Variants in XKR4 observed in about 807,000 individuals in gnomAD.
The protein encoded by XKR4 is XK-related protein 4.
XKR4 carries 12 observed loss-of-function variants against 53.9 expected under a neutral mutation model. The ratio of observed to expected loss-of-function variants is 0.22; its 90% CI spans 0.14 to 0.36. The LOEUF (loss-of-function observed/expected upper bound fraction) is 0.36, where lower values mean the gene tolerates loss of function less well. XKR4 is among the 10% of genes least tolerant of loss of function. The pLI is 1.00. For synonymous variants in XKR4, 354 were observed against 362.4 expected (o/e 0.98, Z 0.26); for missense variants, 799 against 859.5 (o/e 0.93, Z 0.88).
At chr8:55,340,889 C>T (rs1471774882) in intron 1 of XKR4, among the ~76,000 whole-genome samples, 1 of 152,158 alleles carries the variant, frequency 6.6e-6, no homozygotes, top group Non-Finnish European at 1.5e-5. Context: ...GCATGGGTCA[C>T]ACATGTGTCA....
chr8:55,196,409 C>T (rs1013534315), intron 1 of XKR4, among the ~76,000 whole-genome samples: 2 of 152,146 alleles, frequency 1.3e-5, no homozygotes, highest in Non-Finnish European at 2.9e-5. Context: ...TCTTGAACTC[C>T]TGGCCTCAGG....
At position 55,533,188 on chromosome 8, in the gene XKR4, G is replaced by A. The variant is rs1806978923; in HGVS notation, c.*8961G>A. On this transcript the variant is annotated 3_prime_UTR_variant, in exon 3 of 3. Transcript: ENST00000327381. The stretch of plus-strand genomic sequence containing the variant: ...CTTAACACCAGCATTGCCATTGTGA[G>A]TCTAGAAAATGAGCACTTTGTGTGT... 6.6e-6 allele frequency: 1 copy of A among 152,182 alleles called. No individual in the cohort carries two copies. Among genetic ancestry groups the A allele is most frequent in the Non-Finnish European group, 1.5e-5 (1 of 68,036 alleles). The allele number at this position is 152,182 out of a possible 1,614,324, so 9.4% of individuals were successfully genotyped here.
chr8:55,458,214 T>C (rs762955037), intron 2 of XKR4, among the ~76,000 whole-genome samples: 19 of 152,238 alleles, frequency 1.2e-4, no homozygotes, highest in Non-Finnish European at 2.5e-4. Flanking sequence ...GGTAAATGTA[T>C]ATTTGAAATG....
chr8:55,171,187 C>T (rs1023393267), intron 1 of XKR4, among the ~76,000 whole-genome samples: 8 of 152,036 alleles, frequency 5.3e-5, no homozygotes, highest in Non-Finnish European at 1.0e-4. Flanking sequence ...TACCTACAAT[C>T]GAGAAAATAA....
intron 2 of XKR4, among the ~76,000 whole-genome samples, chr8:55,483,634 C>T (rs10106089): frequency 0.34 from 52,097 of 151,690 alleles, 10,827 homozygotes; most frequent in African/African-American, 0.6. Flanking sequence ...TCAAGGGAAA[C>T]TTTTTAAATA....
At chr8:55,111,802 A>T (rs183897154) in intron 1 of XKR4, among the ~76,000 whole-genome samples, 1 of 152,304 alleles carries the variant, frequency 6.6e-6, no homozygotes, top group Admixed American at 6.5e-5. Flanking sequence ...AGAACTATCC[A>T]TTATGTCAAT....
At position 55,339,366 on chromosome 8, in the gene XKR4, G is replaced by A. The variant is rs545785339; in HGVS notation, c.807-18312G>A. Among the ~76,000 whole-genome samples the A allele has an allele frequency of 5.9e-5, 9 of 152,278 alleles. No homozygotes were observed. The South Asian group carries it at 8.3e-4, about 14-fold the overall frequency. On this transcript the variant is annotated intron_variant, in intron 1 of 2. Transcript: ENST00000327381. ...ACCACTTTCATAAGGCTTCCGAGAA[G>A]GCTAAGAAAACATATATAAAGCATT...
At chr8:55,260,197 AG>A (rs1404308683) in intron 1 of XKR4, among the ~76,000 whole-genome samples, 1 of 152,090 alleles carries the variant, frequency 6.6e-6, no homozygotes, top group Non-Finnish European at 1.5e-5. Context: ...TTTCCCCTAC[AG>A]CTGTTCACTC....
intron 1 of XKR4, among the ~76,000 whole-genome samples, chr8:55,210,431 G>A (rs1304046491): frequency 6.6e-6 from 1 of 152,104 alleles, no homozygotes; most frequent in African/African-American, 2.4e-5. Context: ...CATTTGTCTA[G>A]GTAGTTACCA....
In XKR4 at chr8:55,401,712, C is replaced by T. The variant is rs1241870575; in HGVS notation, c.1006+43835C>T. Among the ~76,000 whole-genome samples the T allele has an allele frequency of 2.6e-5, 4 of 152,234 alleles. No homozygotes were observed. The East Asian group carries it at 7.7e-4, about 29-fold the overall frequency. The stretch of plus-strand genomic sequence containing the variant: ...AAAGGCCAGGTCCTTTCCATTAAGG[C>T]AGCCATTCACAAGTGTTTTGTGATC... On this transcript the variant is annotated intron_variant, in intron 2 of 2. Transcript: ENST00000327381.
intron 1 of XKR4, among the ~76,000 whole-genome samples, chr8:55,175,162 G>T (rs564831008): frequency 3.0e-4 from 46 of 152,286 alleles, no homozygotes; most frequent in African/African-American, 1.0e-3. Context: ...CGTGAGATTT[G>T]TCAGGAAACT....
At chr8:55,289,924 C>T (rs1818994941) in intron 1 of XKR4, among the ~76,000 whole-genome samples, 1 of 151,232 alleles carries the variant, frequency 6.6e-6, no homozygotes, top group South Asian at 2.1e-4. Context: ...AATTATTGTC[C>T]AGAATAGCTG....
At chr8:55,359,897 G>A (rs1040570502) in intron 2 of XKR4, among the ~76,000 whole-genome samples, 2 of 152,044 alleles carry the variant, frequency 1.3e-5, no homozygotes, top group Non-Finnish European at 2.9e-5. Flanking sequence ...TTGAGTCTTT[G>A]GCTCTTTCCT....
intron 2 of XKR4, among the ~76,000 whole-genome samples, chr8:55,397,210 T>G (rs770113615): frequency 7.2e-5 from 11 of 152,238 alleles, no homozygotes; most frequent in Non-Finnish European, 2.9e-5. Flanking sequence ...AGAGGAAGTT[T>G]TGTGGACATT....
chr8:55,165,753 C>T (rs1209495868), intron 1 of XKR4, among the ~76,000 whole-genome samples: 15 of 145,486 alleles, frequency 1.0e-4, no homozygotes, highest in Admixed American at 1.4e-4. Flanking sequence ...TGCAGTGAGC[C>T]GAGATTGTGC....
chr8:55,249,113 A>G (rs969971741), intron 1 of XKR4, among the ~76,000 whole-genome samples: 2 of 152,170 alleles, frequency 1.3e-5, no homozygotes, highest in African/African-American at 4.8e-5. Flanking sequence ...TTCTGGTCAG[A>G]TACTGTTTGG....
rs979731806 is a variant in XKR4 at position 55,345,955 on chromosome 8, C to T, written c.807-11723C>T. The stretch of plus-strand genomic sequence containing the variant: ...AATACTGCATCATTTCACTTATATC[C>T]AGAGAAGATATCTAGAGTAGTCAAA... On this transcript the variant is annotated intron_variant, in intron 1 of 2. Transcript: ENST00000327381. Among the ~76,000 whole-genome samples the T allele has an allele frequency of 1.2e-4, 18 of 151,896 alleles. 1 individual carries two copies. Among genetic ancestry groups the T allele is most frequent in the African/African-American group, 3.9e-4 (16 of 41,334 alleles).
intron 2 of XKR4, among the ~76,000 whole-genome samples, chr8:55,441,764 C>T (rs574220392): frequency 2.2e-4 from 33 of 151,692 alleles, no homozygotes; most frequent in Non-Finnish European, 3.1e-4. Flanking sequence ...AATCATGAAT[C>T]GAAGTATAGA....
intron 2 of XKR4, among the ~76,000 whole-genome samples, chr8:55,421,093 T>C (rs1804921890): frequency 6.6e-6 from 1 of 152,244 alleles, no homozygotes; most frequent in Admixed American, 6.5e-5. Context: ...TTAGACAGAA[T>C]TGAATTCAAG....
Sources: gnomAD v4.1 joint callset for allele counts (sites outside exome capture counted in the v4.1 genomes callset) on GRCh38, gnomAD v4.1.1 for gene constraint, MANE v1.5 for transcripts, NCBI Gene and HGNC (gene_info 2026-07-23, HGNC 2026-07-21) for gene names.